The following DAPK2 variants were observed in gnomAD, a reference collection of about 807,000 sequenced individuals.
DAPK2 encodes the protein death associated protein kinase 2.
In DAPK2, 35 loss-of-function variants were observed where a neutral mutation model predicts 44.1. The observed-to-expected ratio is 0.79, with a 90% CI of 0.61 to 1.05. The LOEUF (loss-of-function observed/expected upper bound fraction) is 1.05, where lower values mean the gene tolerates loss of function less well. Among genes scored for constraint, DAPK2 ranks in the 50% least tolerant of loss-of-function variants. DAPK2 has a pLI of 0.00. For missense variants in DAPK2, 453 were observed against 483.2 expected, an observed-to-expected ratio of 0.94 and a Z score of 0.59; for synonymous variants, 174 against 182.6, an observed-to-expected ratio of 0.95 and a Z score of 0.38.
intron 6 of DAPK2, among the ~76,000 whole-genome samples, chr15:63,927,576 A>G (rs1261334311): frequency 6.6e-6 from 1 of 152,128 alleles, no homozygotes; most frequent in Non-Finnish European, 1.5e-5. Flanking sequence ...AGTTAGGTGT[A>G]TGGTGTGTCT....
At chr15:64,034,364 T>A (rs916461916) in intron 1 of DAPK2, among the ~76,000 whole-genome samples, 1 of 152,190 alleles carries the variant, frequency 6.6e-6, no homozygotes. Context: ...CCTGCCCCCA[T>A]CAACATGGCT....
At chr15:64,040,972 G>T (rs1039038997), upstream of DAPK2, among the ~76,000 whole-genome samples, 19 of 151,262 alleles carry the variant, frequency 1.3e-4, no homozygotes, top group Admixed American at 6.6e-5. Flanking sequence ...TCTTGCTTGG[G>T]TAAGCCACCT....
intron 3 of DAPK2, among the ~76,000 whole-genome samples, chr15:63,964,789 T>G (rs930089539): frequency 5.3e-5 from 8 of 152,146 alleles, no homozygotes; most frequent in African/African-American, 1.7e-4. Flanking sequence ...TTCTGTTTGA[T>G]TCTTTTTAGT....
At chr15:64,002,974 CTGTG>C (rs58879927) in intron 1 of DAPK2, among the ~76,000 whole-genome samples, 1,067 of 51,618 alleles carry the variant, frequency 0.021, 48 homozygotes, top group African/African-American at 0.05. Flanking sequence ...GTCGTGGGAC[CTGTG>C]TGTGTGTGTG....
chr15:63,908,462 A>G lies in DAPK2; in HGVS notation c.*58T>C, dbSNP rs371983029. The G allele has an allele frequency of 4.0e-5, 51 of 1,269,956 alleles. No individual in the cohort carries two copies. In the East Asian group the frequency reaches 4.1e-4, roughly 10 times the overall value. 78.7% of individuals were successfully genotyped at this position (1,269,956 alleles called of 1,614,324 possible). On this transcript the variant is annotated 3_prime_UTR_variant, in exon 11 of 11. Transcript: ENST00000261891. This position sits in a 1 kb window ranked among gnomAD's most constrained non-coding sequence, Gnocchi z 5.7. The stretch of plus-strand genomic sequence containing the variant: ...TGCTGAGCTGGGTCCAAAAGTCTGC[A>G]CAGAAGGGAGCCCCGCTGGGCCCAG...
At chr15:63,944,601 A>C (rs2077401861) in intron 3 of DAPK2, among the ~76,000 whole-genome samples, 2 of 152,214 alleles carry the variant, frequency 1.3e-5, no homozygotes, top group Admixed American at 1.3e-4. Flanking sequence ...TACTGTTATA[A>C]ACTCCATTTC....
At chr15:63,977,296 G>A (rs1006523251) in intron 2 of DAPK2, among the ~76,000 whole-genome samples, 5 of 152,300 alleles carry the variant, frequency 3.3e-5, no homozygotes, top group East Asian at 1.9e-4. Context: ...GGGTGAGGCC[G>A]TCCTTTGCCC....
chr15:63,944,735 C>T lies in DAPK2; in HGVS notation c.454-5374G>A, dbSNP rs181311604. On this transcript the variant is annotated intron_variant, in intron 3 of 10. Coordinates refer to ENST00000261891, the Ensembl canonical transcript of DAPK2. The stretch of plus-strand genomic sequence containing the variant: ...CCCTGGCAGTCCAATCCCTTTCTCC[C>T]CAACACATCACTGAATCTGGTTAAA... 3.9e-4 allele frequency among the ~76,000 whole-genome samples: 59 copies of T among 152,298 alleles called. 1 individual carries two copies. The highest frequency in any genetic ancestry group is 1.3e-3 in the African/African-American group (53 of 41,564).
chr15:64,003,133 A>G (rs942636298), intron 1 of DAPK2, among the ~76,000 whole-genome samples: 1 of 151,986 alleles, frequency 6.6e-6, no homozygotes, highest in Non-Finnish European at 1.5e-5. Flanking sequence ...GGTGGATGCA[A>G]TAAGGCCACA....
At chr15:64,033,723 A>C (rs1356840459) in intron 1 of DAPK2, among the ~76,000 whole-genome samples, 2 of 152,062 alleles carry the variant, frequency 1.3e-5, no homozygotes, top group Non-Finnish European at 2.9e-5. Flanking sequence ...CCTGGCTAAC[A>C]CGGTGAAACC....
At position 64,038,065 on chromosome 15, in the gene DAPK2, C is replaced by A. The variant is rs188528675; in HGVS notation, c.92+2105G>T. Among the ~76,000 whole-genome samples the A allele has an allele frequency of 3.3e-4, 51 of 152,294 alleles. 1 individual carries two copies. The highest frequency in any genetic ancestry group is 1.2e-3 in the African/African-American group (50 of 41,556). The stretch of plus-strand genomic sequence containing the variant: ...AGCACATGTCCTTGATATATGGAGT[C>A]AGGGAGAGACAAGACTAAGAAGGAA... On this transcript the variant is annotated intron_variant, in intron 1 of 10. Transcript: ENST00000261891.
chr15:63,984,841 C>T (rs2078626399), intron 1 of DAPK2, among the ~76,000 whole-genome samples: 1 of 152,114 alleles, frequency 6.6e-6, no homozygotes, highest in Non-Finnish European at 1.5e-5. Context: ...GCCCCAAATG[C>T]AGAAAATAGC....
At chr15:63,968,747 A>C (rs2078126047) in intron 3 of DAPK2, among the ~76,000 whole-genome samples, 3 of 152,244 alleles carry the variant, frequency 2.0e-5, no homozygotes, top group Admixed American at 6.5e-5. Flanking sequence ...ATGGTAACTC[A>C]GCCTGGCTAA....
At chr15:64,028,552 G>A (rs2079919274) in intron 1 of DAPK2, among the ~76,000 whole-genome samples, 1 of 152,220 alleles carries the variant, frequency 6.6e-6, no homozygotes, top group Non-Finnish European at 1.5e-5. Context: ...CAAAATTAGA[G>A]CAAGAGTGAT....
chr15:63,991,412 G>T, intron 1 of DAPK2: 1 of 445,548 alleles, frequency 2.2e-6, no homozygotes, highest in South Asian at 1.6e-5. Context: ...TAATGACCCA[G>T]GCCCCTCGTT....
chr15:63,954,780 T>C (rs764206213), intron 3 of DAPK2, among the ~76,000 whole-genome samples: 2 of 152,222 alleles, frequency 1.3e-5, no homozygotes, highest in Non-Finnish European at 2.9e-5. Context: ...TTCCAATCCA[T>C]GAACATAGAA....
intron 8 of DAPK2, among the ~76,000 whole-genome samples, chr15:63,924,091 G>A (rs951966796): frequency 2.0e-5 from 3 of 152,168 alleles, no homozygotes; most frequent in Admixed American, 1.3e-4. Context: ...GTCCCTGGGT[G>A]TGCATAGCTG....
chr15:63,925,244 T>C (rs1035904759), intron 7 of DAPK2, among the ~76,000 whole-genome samples: 9 of 152,320 alleles, frequency 5.9e-5, no homozygotes, highest in East Asian at 5.8e-4. Context: ...TTCGCTGCTC[T>C]GTACCCAGGT....
At position 64,046,280 on chromosome 15, in the gene DAPK2, C is replaced by A. The variant is rs569466238; in HGVS notation, c.-7+18G>T. 1.0e-6 allele frequency: 1 copy of A among 980,398 alleles called. No individual in the cohort carries two copies. Among genetic ancestry groups the A allele is most frequent in the South Asian group, 4.7e-5 (1 of 21,058 alleles). The allele number at this position is 980,398 out of a possible 1,614,324, so 60.7% of individuals were successfully genotyped here. ...CGCCCCGTCCCGCCCATCGAGCCCGCAGACGGGTGCTACTCACGGCGGGAG... is the reference window on the plus strand; with the variant it reads ...CGCCCCGTCCCGCCCATCGAGCCCGAAGACGGGTGCTACTCACGGCGGGAG... On this transcript the variant is annotated intron_variant, in intron 1 of 11. Coordinates refer to the DAPK2 transcript ENST00000457488. This position sits in a 1 kb window ranked among gnomAD's most constrained non-coding sequence, Gnocchi z 5.3.
Sources: gnomAD v4.1 joint callset for allele counts (sites outside exome capture counted in the v4.1 genomes callset) on GRCh38, gnomAD v4.1.1 for gene constraint, Gnocchi (gnomAD v3.1) non-coding constraint, MANE v1.5 for transcripts, NCBI Gene and HGNC (gene_info 2026-07-23, HGNC 2026-07-21) for gene names.